Variants in NBEAL2 observed in about 807,000 individuals in gnomAD.
NBEAL2 encodes neurobeachin-like protein 2.
NBEAL2 carries 160 observed loss-of-function variants against 299.8 expected under a neutral mutation model. The observed-to-expected ratio is 0.53, with a 90% CI of 0.47 to 0.61. The LOEUF is 0.61. Ranked by LOEUF, NBEAL2 falls within the 20% of genes least tolerant of loss-of-function variation. NBEAL2 has a pLI of 0.00. For synonymous variants in NBEAL2, 1,493 were observed against 1,542.3 expected (o/e 0.97, Z 0.75); for missense variants, 3,112 against 3,649.0 (o/e 0.85, Z 3.79).
chr3:47,005,590 A>G lies in NBEAL2; in HGVS notation c.6662A>G (p.Tyr2221Cys). 3 of 1,613,402 alleles carry G rather than the reference A, an allele frequency of 1.9e-6. 1 individual carries two copies. In the Admixed American group the frequency reaches 5.0e-5, roughly 27 times the overall value. ...AAGGAGCTCATCCCGGAATTCTTCTACTTTCCTGACTTCCTGGAGAACCAG... is the reference window on the plus strand; with the variant it reads ...AAGGAGCTCATCCCGGAATTCTTCTGCTTTCCTGACTTCCTGGAGAACCAG... ...DVKELIPEFF[Y>C]FPDFLENQNG... The change falls in exon 41 of 54, where the codon TAC becomes TGC. Residue 2221 changes from tyrosine (Y) to cysteine (C), a missense_variant. Coordinates refer to ENST00000450053, the MANE Select transcript of NBEAL2 (RefSeq NM_015175.3).
At chr3:46,993,879 G>A in intron 10 of NBEAL2, 58 bp from the exon 11 acceptor site, 1 of 1,476,428 alleles carries the variant, frequency 6.8e-7, no homozygotes, top group Non-Finnish European at 9.3e-7. Flanking sequence ...ACTGCAGGGG[G>A]CTGCCAGCTG....
chr3:47,009,163 G>A, intron 53 of NBEAL2, 39 bp downstream of exon 53: 1 of 1,551,092 alleles, frequency 6.4e-7, no homozygotes, highest in Non-Finnish European at 8.7e-7. Flanking sequence ...CCTCGAACGG[G>A]GCGGGGCGTG....
intron 22 of NBEAL2, 36 bp from the exon 23 acceptor site, chr3:46,998,681 T>C (rs1259112549): frequency 1.3e-6 from 2 of 1,558,300 alleles, no homozygotes; most frequent in Non-Finnish European, 8.7e-7. Flanking sequence ...CCGCCTTTCT[T>C]TGGGACCTGG....
chr3:46,996,540 C>T lies in NBEAL2; in HGVS notation c.2421C>T (p.Ala807=). ...TGGAGGGTGAGCTGGGGGCTGTGGCCATCTTTCACGAAGCCCTGCAGGCGA... is the reference window on the plus strand; with the variant it reads ...TGGAGGGTGAGCTGGGGGCTGTGGCTATCTTTCACGAAGCCCTGCAGGCGA... ...TSLEGELGAV[A]IFHEALQATA... The change falls in exon 16 of 54, where the codon GCC becomes GCT. Residue 807 remains alanine, a synonymous_variant. Transcript: ENST00000450053. 6.5e-7 allele frequency: 1 copy of T among 1,546,388 alleles called. No homozygotes were observed. Among genetic ancestry groups the T allele is most frequent in the Non-Finnish European group, 8.7e-7 (1 of 1,143,650 alleles).
At position 46,997,350 on chromosome 3, in the gene NBEAL2, C is replaced by T; in HGVS notation, c.2741C>T (p.Ala914Val). 6.2e-7 allele frequency: 1 copy of T among 1,612,744 alleles called. No individual in the cohort carries two copies. Among genetic ancestry groups the T allele is most frequent in the Non-Finnish European group, 8.5e-7 (1 of 1,179,808 alleles). ...CCCAAAGAGGCTGAAGCAGGTCCAG[C>T]TGAAACGCATGACCTCGTGGGTCCT... ...AQPKEAEAGP[A>V]ETHDLVGPEL... is the part of the protein sequence containing the mutation. Residue 914 changes from alanine to valine, a missense_variant, in exon 19 of 54, where the codon GCT becomes GTT. By Grantham distance (64) the Ala-to-Val change is moderately conservative (BLOSUM62 0). Transcript: ENST00000450053.
intron 11 of NBEAL2, 125 bp downstream of exon 11, chr3:46,994,145 G>T: frequency 1.0e-6 from 1 of 963,368 alleles, no homozygotes; most frequent in East Asian, 2.6e-5. Context: ...GGCGAGCTGG[G>T]AGGTGACTGC....
At chr3:46,992,681 G>A (rs2036195401) in intron 10 of NBEAL2, 126 bp downstream of exon 10, 1 of 891,582 alleles carries the variant, frequency 1.1e-6, no homozygotes, top group Non-Finnish European at 1.8e-6. Flanking sequence ...ATGGGTGTGG[G>A]TCCTCCATGC....
chr3:46,988,786 G>A lies in NBEAL2; in HGVS notation c.140+29G>A. On this transcript the variant is annotated intron_variant, in intron 2 of 53. Transcript: ENST00000450053. The surrounding 1 kb of genome is among the most constrained non-coding windows in gnomAD (Gnocchi z 4.4). Reference sequence around the variant, plus strand: ...AGGCTGGATCTGCACTGAGGGCAGGGACAGAGCAGGGAGATTGAGGGGTCC... The same window carrying A: ...AGGCTGGATCTGCACTGAGGGCAGGAACAGAGCAGGGAGATTGAGGGGTCC... The A allele has an allele frequency of 6.2e-7, 1 of 1,608,460 alleles. No homozygotes were observed. Among genetic ancestry groups the A allele is most frequent in the South Asian group, 1.1e-5 (1 of 90,974 alleles).
In NBEAL2 at chr3:47,008,563, G is replaced by A. The variant is rs765996332; in HGVS notation, c.7922G>A (p.Arg2641Gln). The change falls in exon 52 of 54, where the codon CGG becomes CAG. Residue 2641 changes from arginine to glutamine, a missense_variant. By Grantham distance (43) the Arg-to-Gln change is conservative (BLOSUM62 1). Transcript: ENST00000450053. ...CTGTATTCAGTCAATGGGAAGTTGC[G>A]GGCTTCACTGCCCCTGGCAGAGCAG... ...LHLYSVNGKL[R>Q]ASLPLAEQPT... The A allele has an allele frequency of 7.9e-5, 127 of 1,613,566 alleles. No homozygotes were observed. The East Asian group carries it at 2.4e-3, about 31-fold the overall frequency.
Position 46,992,126 on chromosome 3 carries a change from G to C in NBEAL2, c.1032+180G>C, listed in dbSNP as rs1254069480. Reference sequence around the variant, plus strand: ...GCATGGACAAGGGCCCATCCCTTGGGGCCTCTATAGGACTGGGCTTGAGGC... The same window carrying C: ...GCATGGACAAGGGCCCATCCCTTGGCGCCTCTATAGGACTGGGCTTGAGGC... On this transcript the variant is annotated intron_variant, in intron 9 of 53. Transcript: ENST00000450053. 2.0e-5 allele frequency among the ~76,000 whole-genome samples: 3 copies of C among 152,282 alleles called. No homozygotes were observed. The East Asian group carries it at 5.8e-4, about 29-fold the overall frequency.
At position 46,995,429 on chromosome 3, in the gene NBEAL2, T is replaced by G; in HGVS notation, c.1694T>G (p.Leu565Ter). The G allele has an allele frequency of 6.2e-7, 1 of 1,612,790 alleles. No individual in the cohort carries two copies. The highest frequency in any genetic ancestry group is 8.5e-7 in the Non-Finnish European group (1 of 1,179,880). ...CACGCAGGTGCTGTCATCCGCACAT[T>G]ATCAGGCATGGCCAGGCACCAGGGT... is the stretch of plus-strand genomic sequence containing the variant. ...ARHAGAVIRT[L>*]SGMARHQGPA... The change falls in exon 13 of 54, where the codon TTA becomes TGA. Residue 565 changes from leucine to a stop codon, truncating the protein, a stop_gained. Coordinates refer to ENST00000450053, the MANE Select transcript of NBEAL2 (RefSeq NM_015175.3). LOFTEE classifies it high-confidence loss of function.
rs544292799 is a variant in NBEAL2, at chr3:46,979,930, C to A, written c.51+18C>A. 2.7e-6 allele frequency: 1 copy of A among 371,362 alleles called. No homozygotes were observed. The highest frequency in any genetic ancestry group is 4.2e-5 in the East Asian group (1 of 23,908). The allele number at this position is 371,362 out of a possible 1,614,324, so 23.0% of individuals were successfully genotyped here. Reference sequence around the variant, plus strand: ...ACGCGCAGGTGAGCCCGCCCCGCCCCGCGCCCGCACCCGCACCCGCGGTGC... The same window carrying A: ...ACGCGCAGGTGAGCCCGCCCCGCCCAGCGCCCGCACCCGCACCCGCGGTGC... On this transcript the variant is annotated intron_variant, in intron 1 of 53. Transcript: ENST00000450053.
At position 47,008,327 on chromosome 3, in the gene NBEAL2, A is replaced by T; in HGVS notation, c.7764A>T (p.Val2588=). The change falls in exon 51 of 54, where the codon GTA becomes GTT. Residue 2588 remains valine (V), a synonymous_variant. Transcript: ENST00000450053. ...ACACTGTACGCCGCGGACAGTTTGT[A>T]GCGGCACTACGGCCTCTGGGTGCCA... is the stretch of plus-strand genomic sequence containing the variant. ...IIHTVRRGQF[V]AALRPLGATF... 1 of 1,613,418 alleles carries T rather than the reference A, an allele frequency of 6.2e-7. No individual in the cohort carries two copies. Among genetic ancestry groups the T allele is most frequent in the Admixed American group, 1.7e-5 (1 of 59,914 alleles).
rs1417473774 is a variant in NBEAL2 at position 47,001,178 on chromosome 3, A to G, written c.4483A>G (p.Ser1495Gly). ...GCGCCCACCAGACTGCATCAAGCGC[A>G]GGTGAGAGGGAAAGTCTGGAGGGGG... is the stretch of plus-strand genomic sequence containing the variant. ...LVRPPDCIKR[S>G]LLEMMLESAL... Residue 1495 changes from serine (S) to glycine (G), a missense_variant and splice_region_variant, in exon 28 of 54, where the codon AGC becomes GGC. By Grantham distance (56) the Ser-to-Gly change is moderately conservative. This residue lies in a region of NBEAL2 where 2,243 missense variants were observed against 2,538.1 expected (regional missense o/e 0.88). Coordinates refer to ENST00000450053, the MANE Select transcript of NBEAL2 (RefSeq NM_015175.3). This position sits in a 1 kb window ranked among gnomAD's most constrained non-coding sequence, Gnocchi z 6.1. 4.3e-6 allele frequency: 7 copies of G among 1,609,668 alleles called. No homozygotes were observed. Among genetic ancestry groups the G allele is most frequent in the Non-Finnish European group, 5.9e-6 (7 of 1,176,970 alleles).
Position 46,982,865 on chromosome 3 carries a change from C to T in NBEAL2, c.51+2953C>T, listed in dbSNP as rs1337073435. Among the ~76,000 whole-genome samples, 1 of 152,076 alleles carries T rather than the reference C, an allele frequency of 6.6e-6. No homozygotes were observed. Among genetic ancestry groups the T allele is most frequent in the Non-Finnish European group, 1.5e-5 (1 of 67,988 alleles). Reference sequence around the variant, plus strand: ...AGGACTCAGAGCCCACCAGAGCTCCCCCAGGGTAGGCATAGGAAGGGCAGG... The same window carrying T: ...AGGACTCAGAGCCCACCAGAGCTCCTCCAGGGTAGGCATAGGAAGGGCAGG... On this transcript the variant is annotated intron_variant, in intron 1 of 53. Transcript: ENST00000450053. This position sits in a 1 kb window ranked among gnomAD's most constrained non-coding sequence, Gnocchi z 4.2.
intron 1 of NBEAL2, among the ~76,000 whole-genome samples, 199 bp downstream of exon 1, chr3:46,980,111 T>C (rs533599701): frequency 1.0e-3 from 158 of 152,200 alleles, no homozygotes; most frequent in African/African-American, 3.7e-3. Context: ...ACTTATGCCT[T>C]GGGGACAGAG....
In NBEAL2 at chr3:46,994,539, G is replaced by T; in HGVS notation, c.1282G>T (p.Glu428Ter). The T allele has an allele frequency of 3.2e-6, 5 of 1,582,774 alleles. No homozygotes were observed. Among genetic ancestry groups the T allele is most frequent in the Non-Finnish European group, 4.3e-6 (5 of 1,162,554 alleles). ...TCCCCCCACCCATCGGCTGTTGCAA[G>T]AGCTGCTCAACATGGTGAGGGAAGG... ...HGPPTHRLLQ[E>*]LLNMAVEGDH... Residue 428 changes from glutamate to a stop codon, truncating the protein, a stop_gained, in exon 12 of 54, where the codon GAG (glutamate) becomes TAG (stop). Coordinates refer to ENST00000450053, the MANE Select transcript of NBEAL2 (RefSeq NM_015175.3). LOFTEE classifies it high-confidence loss of function.
rs1038140017 is a variant in NBEAL2 at position 46,991,011 on chromosome 3, G to A, written c.557-208G>A. 1.3e-5 allele frequency among the ~76,000 whole-genome samples: 2 copies of A among 152,116 alleles called. No individual in the cohort carries two copies. Among genetic ancestry groups the A allele is most frequent in the African/African-American group, 4.8e-5 (2 of 41,406 alleles). On this transcript the variant is annotated intron_variant, in intron 6 of 53. Transcript: ENST00000450053. The surrounding 1 kb of genome is among the most constrained non-coding windows in gnomAD (Gnocchi z 6.2). ...GTCACCCTTAAGTCCCCCAAAGAAG[G>A]GTTGTCCCTTTCAGGCCCTCTACTA...
rs367783793 is a variant in NBEAL2 at position 47,000,022 on chromosome 3, A to G, written c.3923A>G (p.Glu1308Gly). 1.2e-6 allele frequency: 2 copies of G among 1,612,198 alleles called. No homozygotes were observed. The highest frequency in any genetic ancestry group is 4.5e-5 in the East Asian group (2 of 44,832). Reference sequence around the variant, plus strand: ...GGCAGCCCCCCTCCGTCTTCCCCAGAGTCACCTACCTCCCCCAAGCCAGCC... The same window carrying G: ...GGCAGCCCCCCTCCGTCTTCCCCAGGGTCACCTACCTCCCCCAAGCCAGCC... ...TAGSPPPSSP[E>G]SPTSPKPAPP... Residue 1308 changes from glutamate (E) to glycine (G), a missense_variant, in exon 27 of 54, where the codon GAG (glutamate) becomes GGG (glycine). Glu to Gly is a moderately conservative substitution (Grantham distance 98, BLOSUM62 -2). Around this residue, in one of 3 missense-constraint regions of NBEAL2, gnomAD observed 2,243 missense variants for 2,538.1 expected, o/e 0.88. Transcript: ENST00000450053. The surrounding 1 kb of genome is among the most constrained non-coding windows in gnomAD (Gnocchi z 4.5).
Sources: gnomAD v4.1 joint callset for allele counts (sites outside exome capture counted in the v4.1 genomes callset) on GRCh38, gnomAD v4.1.1 for gene constraint, gnomAD v4.1.1 regional missense constraint, Gnocchi (gnomAD v3.1) non-coding constraint, MANE v1.5 for transcripts, NCBI Gene and HGNC (gene_info 2026-07-23, HGNC 2026-07-21) for gene names.